PTGER3: variants seen among roughly 807,000 people sequenced by gnomAD.
PTGER3 encodes the protein prostaglandin E2 receptor EP3 subtype.
In PTGER3, 22 loss-of-function variants were observed where a neutral mutation model predicts 34.7. That is an observed-to-expected ratio of 0.63 (90% CI 0.45 to 0.91). PTGER3 has a LOEUF of 0.91. Ranked by LOEUF, PTGER3 falls within the 40% of genes least tolerant of loss-of-function variation. The probability of loss-of-function intolerance (pLI) is 0.00; values close to 1 mark genes in which losing one functional copy is unlikely to be tolerated. For synonymous variants in PTGER3, 241 were observed against 230.1 expected (o/e 1.05, Z -0.43); for missense variants, 468 against 519.4 (o/e 0.90, Z 0.96).
chr1:70,903,161 C>G (rs1344805707), intron 4 of PTGER3, among the ~76,000 whole-genome samples: 1 of 152,040 alleles, frequency 6.6e-6, no homozygotes, highest in African/African-American at 2.4e-5. Flanking sequence ...CAAGGAACAC[C>G]AAGGAATGCC....
At chr1:70,877,663 G>C (rs1646301751) in intron 4 of PTGER3, among the ~76,000 whole-genome samples, 1 of 152,132 alleles carries the variant, frequency 6.6e-6, no homozygotes, top group Admixed American at 6.5e-5. Flanking sequence ...AGCATGAAGG[G>C]ATGCTGACTT....
chr1:70,948,487 A>C (rs2100572865), downstream of PTGER3, among the ~76,000 whole-genome samples: 1 of 152,260 alleles, frequency 6.6e-6, no homozygotes, highest in African/African-American at 2.4e-5. Flanking sequence ...TAATTTACCC[A>C]GTCTCAAGAA....
intron 4 of PTGER3, among the ~76,000 whole-genome samples, chr1:70,946,441 G>A (rs1255642044): frequency 9.9e-5 from 15 of 152,106 alleles, no homozygotes; most frequent in Admixed American, 9.8e-4. Flanking sequence ...GTTCTACAGT[G>A]CGTGCTCTTT....
chr1:71,007,556 T>C lies in PTGER3; in HGVS notation c.1077+4749A>G, dbSNP rs72940472. On this transcript the variant is annotated intron_variant, in intron 2 of 3. Transcript: ENST00000306666. ...GGGCCTGGCACAAAATGATGAAGGT[T>C]AACAGGTAGAAAATGGACAGGTTTT... is the stretch of plus-strand genomic sequence containing the variant. 555 of 985,386 alleles carry C rather than the reference T, an allele frequency of 5.6e-4. 1 individual carries two copies. In the African/African-American group the frequency reaches 9.2e-3, roughly 16 times the overall value. The allele number at this position is 985,386 out of a possible 1,614,324, so 61.0% of individuals were successfully genotyped here.
At position 71,015,521 on chromosome 1, in the gene PTGER3, G is replaced by A. The variant is rs369424125; in HGVS notation, c.898-3037C>T. On this transcript the variant is annotated intron_variant, in intron 1 of 3. Transcript: ENST00000306666. ...TGACTACTATTGTGAGATAAAAGAT[G>A]TAATTGTCTATATTAGTTTGAAGTA... 2.6e-5 allele frequency among the ~76,000 whole-genome samples: 4 copies of A among 152,296 alleles called. No individual in the cohort carries two copies. The East Asian group carries it at 5.8e-4, about 22-fold the overall frequency.
intron 4 of PTGER3, among the ~76,000 whole-genome samples, chr1:70,883,764 T>C (rs1285349477): frequency 6.6e-6 from 1 of 152,320 alleles, no homozygotes; most frequent in Middle Eastern, 3.4e-3. Flanking sequence ...GTTGCTATCA[T>C]TAAACGATCA....
chr1:70,872,664 C>A (rs899446053), intron 4 of PTGER3, among the ~76,000 whole-genome samples: 3 of 152,146 alleles, frequency 2.0e-5, no homozygotes, highest in African/African-American at 7.2e-5. Flanking sequence ...GACATCTAGA[C>A]CACAAACTCC....
At position 70,935,672 on chromosome 1, in the gene PTGER3, A is replaced by ATATATATATATATATATATATATATATAT. The variant is rs59431299; in HGVS notation, c.*23+18090_*23+18091insATATATATATATATATATATATATATATA. Among the ~76,000 whole-genome samples the ATATATATATATATATATATATATATATAT allele has an allele frequency of 1.7e-4, 24 of 140,214 alleles. 1 individual carries two copies. The highest frequency in any genetic ancestry group is 6.6e-4 in the African/African-American group (24 of 36,424). The allele number at this position is 140,214 out of a possible 152,430, so 92.0% of individuals were successfully genotyped here. A position where few individuals can be genotyped will look rare whatever the true frequency, so the allele number is the denominator to read the frequency against. The stretch of plus-strand genomic sequence containing the variant: ...TGTTGGTACTAAGGATACAAATATA[A>ATATATATATATATATATATATATATATAT]ATATATATATATATATATATATGTT... On this transcript the variant is annotated intron_variant, in intron 4 of 4. Coordinates refer to the PTGER3 transcript ENST00000370931.
At chr1:70,865,731 GTGA>G (rs1646027261) in intron 4 of PTGER3, 1 of 1,365,934 alleles carries the variant, frequency 7.3e-7, no homozygotes, top group Non-Finnish European at 9.8e-7. Flanking sequence ...AGTTGTGGAT[GTGA>G]TGAAGACATG....
At chr1:70,919,687 T>C (rs1647340849) in intron 4 of PTGER3, among the ~76,000 whole-genome samples, 1 of 152,276 alleles carries the variant, frequency 6.6e-6, no homozygotes, top group Admixed American at 6.5e-5. Flanking sequence ...CTTTGAGTTT[T>C]ACTACAACTG....
chr1:70,997,522 C>T (rs1227256002), intron 2 of PTGER3, among the ~76,000 whole-genome samples: 1 of 152,034 alleles, frequency 6.6e-6, no homozygotes, highest in Non-Finnish European at 1.5e-5. Flanking sequence ...GAAGTCAATC[C>T]AATAATCCAA....
chr1:70,928,132 T>A (rs1221472842), intron 4 of PTGER3, among the ~76,000 whole-genome samples: 2 of 92,020 alleles, frequency 2.2e-5, no homozygotes, highest in East Asian at 4.6e-4. Flanking sequence ...TATATATATA[T>A]TTATATATAT....
At chr1:71,023,171 A>T (rs1198528968) in intron 1 of PTGER3, among the ~76,000 whole-genome samples, 2 of 151,844 alleles carry the variant, frequency 1.3e-5, no homozygotes, top group Non-Finnish European at 2.9e-5. Flanking sequence ...CTCTGTGTTC[A>T]CAAATCCTCA....
intron 2 of PTGER3, among the ~76,000 whole-genome samples, chr1:70,964,322 T>G (rs748386355): frequency 5.3e-5 from 8 of 152,176 alleles, no homozygotes; most frequent in Admixed American, 3.3e-4. Context: ...GTGCCCTTTA[T>G]AGCAACACTC....
chr1:70,924,126 G>T (rs916173985), intron 4 of PTGER3, among the ~76,000 whole-genome samples: 2 of 151,872 alleles, frequency 1.3e-5, no homozygotes, highest in African/African-American at 4.8e-5. Context: ...CAACTTGTAG[G>T]TATCTGAGTG....
chr1:70,968,219 TA>T (rs1652726259), downstream of PTGER3, among the ~76,000 whole-genome samples: 1 of 152,232 alleles, frequency 6.6e-6, no homozygotes, highest in Non-Finnish European at 1.5e-5. Context: ...GCAAAAGCTG[TA>T]AGTTTAAAAG....
At chr1:70,906,031 C>A (rs1452777574) in intron 4 of PTGER3, among the ~76,000 whole-genome samples, 3 of 121,424 alleles carry the variant, frequency 2.5e-5, no homozygotes, top group African/African-American at 6.1e-5. Context: ...CTCATAGGAT[C>A]TGATGGGTTT....
intron 2 of PTGER3, among the ~76,000 whole-genome samples, chr1:70,955,611 T>C (rs373651209): frequency 4.6e-5 from 7 of 152,288 alleles, no homozygotes; most frequent in African/African-American, 1.7e-4. Context: ...GATCTAATAT[T>C]GTTCTGTTAG....
intron 4 of PTGER3, among the ~76,000 whole-genome samples, chr1:70,919,482 A>G (rs890826737): frequency 1.3e-5 from 2 of 152,192 alleles, no homozygotes; most frequent in African/African-American, 2.4e-5. Context: ...CTTACAAAGC[A>G]TATTTACCTA....
Sources: allele counts gnomAD v4.1 joint callset (sites outside exome capture counted in the v4.1 genomes callset), GRCh38; gene constraint gnomAD v4.1.1; transcripts MANE v1.5; gene names NCBI Gene and HGNC (gene_info 2026-07-23, HGNC 2026-07-21).